The following CHN1 variants were observed in gnomAD, a reference collection of about 807,000 sequenced individuals.
The protein encoded by CHN1 is chimerin 1.
In CHN1, 37 loss-of-function variants were observed where a neutral mutation model predicts 59.5. The ratio of observed to expected loss-of-function variants is 0.62; its 90% CI spans 0.48 to 0.82. CHN1 has a LOEUF of 0.82. Ranked by LOEUF, CHN1 falls within the 40% of genes least tolerant of loss-of-function variation. CHN1 has a pLI of 0.00. For synonymous variants in CHN1, 206 were observed against 200.4 expected, an observed-to-expected ratio of 1.03 and a Z score of -0.24; for missense variants, 469 against 571.0, an observed-to-expected ratio of 0.82 and a Z score of 1.82.
chr2:175,003,416 A>T (rs2105477283), intron 1 of CHN1, among the ~76,000 whole-genome samples: 1 of 152,310 alleles, frequency 6.6e-6, no homozygotes, highest in African/African-American at 2.4e-5. Flanking sequence ...AGAATTTAGA[A>T]ATCCTTTTAA....
At chr2:174,865,496 A>T (rs1261575862) in intron 6 of CHN1, among the ~76,000 whole-genome samples, 1 of 152,158 alleles carries the variant, frequency 6.6e-6, no homozygotes, top group East Asian at 1.9e-4. Flanking sequence ...ACCCCCAAAG[A>T]TCTCCATGTT....
intron 5 of CHN1, among the ~76,000 whole-genome samples, chr2:174,891,716 A>C (rs1688058712): frequency 6.6e-6 from 1 of 152,126 alleles, no homozygotes; most frequent in Admixed American, 6.5e-5. Flanking sequence ...TCAAGGAACT[A>C]GGGGAAAAAA....
At chr2:174,914,472 T>C (rs1406097132) in intron 5 of CHN1, among the ~76,000 whole-genome samples, 1 of 152,094 alleles carries the variant, frequency 6.6e-6, no homozygotes, top group Non-Finnish European at 1.5e-5. Context: ...ATTCAAGAAA[T>C]TGACGGAAGC....
At position 175,005,374 on chromosome 2, in the gene CHN1, T is replaced by C; in HGVS notation, c.-462A>G. 1.8e-6 allele frequency: 2 copies of C among 1,085,060 alleles called. No individual in the cohort carries two copies. Among genetic ancestry groups the C allele is most frequent in the Non-Finnish European group, 2.3e-6 (2 of 887,222 alleles). The allele number at this position is 1,085,060 out of a possible 1,614,324, so 67.2% of individuals were successfully genotyped here. A position where few individuals can be genotyped will look rare whatever the true frequency, so the allele number is the denominator to read the frequency against. On this transcript the variant is annotated 5_prime_UTR_variant, in exon 1 of 13. Coordinates refer to ENST00000409900, the MANE Select transcript of CHN1 (RefSeq NM_001822.7). Reference sequence around the variant, plus strand: ...TCGCAGACGCCATCTTGCGATAGCGTCTCCCACGAGCTCGGCCGCGCCGCT... The same window carrying C: ...TCGCAGACGCCATCTTGCGATAGCGCCTCCCACGAGCTCGGCCGCGCCGCT...
chr2:174,957,551 A>G (rs1472276912), intron 1 of CHN1, among the ~76,000 whole-genome samples: 2 of 151,968 alleles, frequency 1.3e-5, no homozygotes, highest in Non-Finnish European at 2.9e-5. Flanking sequence ...TAAGCATTCA[A>G]GTCATGTTAT....
chr2:174,835,273 C>T (rs1686035209), intron 7 of CHN1, among the ~76,000 whole-genome samples: 1 of 152,146 alleles, frequency 6.6e-6, no homozygotes, highest in Non-Finnish European at 1.5e-5. Context: ...GAAAACTGTT[C>T]TTTCCCCAAA....
intron 1 of CHN1, among the ~76,000 whole-genome samples, chr2:174,980,472 T>G (rs926332806): frequency 4.6e-5 from 7 of 152,186 alleles, no homozygotes; most frequent in Non-Finnish European, 8.8e-5. Context: ...AAATTTTTAG[T>G]CTTTTTTCCC....
chr2:174,957,456 G>C (rs902978363), intron 1 of CHN1, among the ~76,000 whole-genome samples: 1 of 127,490 alleles, frequency 7.8e-6, no homozygotes, highest in Non-Finnish European at 1.7e-5. Context: ...TGGGGGGGGG[G>C]GCAGTTAATT....
intron 11 of CHN1, among the ~76,000 whole-genome samples, chr2:174,803,876 T>C (rs1364079123): frequency 2.6e-5 from 4 of 152,080 alleles, no homozygotes; most frequent in African/African-American, 9.7e-5. Flanking sequence ...ACAGGATAAA[T>C]TAATTTGAAG....
chr2:174,979,653 C>A (rs1050860812), intron 1 of CHN1, among the ~76,000 whole-genome samples: 1 of 151,840 alleles, frequency 6.6e-6, no homozygotes, highest in African/African-American at 2.4e-5. Flanking sequence ...TCTCTACTGG[C>A]GGGTGGATCA....
At chr2:175,000,117 T>G (rs1435279628) in intron 1 of CHN1, among the ~76,000 whole-genome samples, 2 of 151,084 alleles carry the variant, frequency 1.3e-5, no homozygotes, top group African/African-American at 4.9e-5. Context: ...ACCACAGGCA[T>G]GCATCACCAC....
chr2:174,999,508 T>C (rs1283236017), intron 1 of CHN1, among the ~76,000 whole-genome samples: 2 of 152,196 alleles, frequency 1.3e-5, no homozygotes, highest in Non-Finnish European at 2.9e-5. Flanking sequence ...AACAATCTTA[T>C]GAAAAACCTA....
intron 1 of CHN1, among the ~76,000 whole-genome samples, chr2:174,967,009 A>G (rs1347028123): frequency 6.6e-6 from 1 of 152,180 alleles, no homozygotes; most frequent in Non-Finnish European, 1.5e-5. Flanking sequence ...GCAAAACTCG[A>G]TAACGACAAT....
At chr2:174,865,028 T>C (rs892213157) in intron 6 of CHN1, among the ~76,000 whole-genome samples, 3 of 152,126 alleles carry the variant, frequency 2.0e-5, no homozygotes, top group African/African-American at 7.2e-5. Context: ...TGATACTTCA[T>C]GAAGAGAGGA....
intron 1 of CHN1, among the ~76,000 whole-genome samples, chr2:174,974,844 T>A (rs929919254): frequency 6.6e-6 from 1 of 151,898 alleles, no homozygotes; most frequent in Non-Finnish European, 1.5e-5. Flanking sequence ...TCAGTATATA[T>A]GCCTGTAACT....
chr2:174,959,125 A>T (rs1690315188), intron 1 of CHN1, among the ~76,000 whole-genome samples: 1 of 152,226 alleles, frequency 6.6e-6, no homozygotes, highest in African/African-American at 2.4e-5. Flanking sequence ...GGTTTTAAAT[A>T]TATTTTCCTA....
chr2:174,970,298 T>C (rs1347937158), intron 1 of CHN1, among the ~76,000 whole-genome samples: 4 of 152,222 alleles, frequency 2.6e-5, no homozygotes, highest in Admixed American at 2.0e-4. Flanking sequence ...ATTTTCATAA[T>C]AGTCATTTCA....
chr2:174,990,246 T>G (rs1691493619), intron 1 of CHN1, among the ~76,000 whole-genome samples: 1 of 96,166 alleles, frequency 1.0e-5, no homozygotes, highest in African/African-American at 3.3e-5. Context: ...TGTGTGTGTG[T>G]GTGTGTGTGT....
intron 8 of CHN1, among the ~76,000 whole-genome samples, chr2:174,822,016 G>A (rs552218831): frequency 3.3e-5 from 5 of 152,208 alleles, no homozygotes; most frequent in African/African-American, 1.2e-4. Flanking sequence ...AATTCTTTGC[G>A]TTTGGATTTA....
Sources: gnomAD v4.1 joint callset for allele counts (sites outside exome capture counted in the v4.1 genomes callset) on GRCh38, gnomAD v4.1.1 for gene constraint, MANE v1.5 for transcripts, NCBI Gene and HGNC (gene_info 2026-07-23, HGNC 2026-07-21) for gene names.